The following ATP6V1C1 variants were observed in gnomAD, a reference collection of about 807,000 sequenced individuals.
The protein encoded by ATP6V1C1 is V-type proton ATPase subunit C 1.
A neutral mutation model predicts 53.9 loss-of-function variants in ATP6V1C1; 45 were observed. That is an observed-to-expected ratio of 0.83 (90% confidence interval 0.66 to 1.07). The LOEUF (loss-of-function observed/expected upper bound fraction) is 1.07, where lower values mean the gene tolerates loss of function less well. ATP6V1C1 is among the 50% of genes least tolerant of loss of function. The pLI is 0.00. For synonymous variants in ATP6V1C1, 153 were observed against 155.2 expected (o/e 0.99, Z 0.11); for missense variants, 315 against 440.3 (o/e 0.72, Z 2.55).
At chr8:103,055,621 T>G (rs891877947) in intron 7 of ATP6V1C1, among the ~76,000 whole-genome samples, 2 of 152,158 alleles carry the variant, frequency 1.3e-5, no homozygotes, top group Non-Finnish European at 2.9e-5. Flanking sequence ...TTTCCGAACA[T>G]AGTTCTAGGA....
rs143866734 is a variant in ATP6V1C1, at chr8:103,030,066, C to T, written c.-40+8841C>T. Among the ~76,000 whole-genome samples the T allele has an allele frequency of 8.3e-4, 127 of 152,118 alleles. 1 individual carries two copies. The East Asian group carries it at 0.023, about 28-fold the overall frequency. On this transcript the variant is annotated intron_variant, in intron 1 of 12. Coordinates refer to ENST00000518738, the MANE Select transcript of ATP6V1C1 (RefSeq NM_001695.5). ...TGCTTTTAAATAAATTCATGTTTTA[C>T]TTATCAAGATAGCACGCCATACATT...
intron 3 of ATP6V1C1, among the ~76,000 whole-genome samples, chr8:103,044,128 C>T (rs968640279): frequency 2.0e-5 from 3 of 152,188 alleles, no homozygotes; most frequent in African/African-American, 4.8e-5. Context: ...ACATGATGCG[C>T]GTGCCTCAGC....
chr8:103,031,359 G>T (rs1240010139), intron 1 of ATP6V1C1, among the ~76,000 whole-genome samples: 2 of 152,124 alleles, frequency 1.3e-5, no homozygotes, highest in African/African-American at 4.8e-5. Flanking sequence ...AAAGAAAAGA[G>T]GTTTTTTTGG....
chr8:103,051,965 A>G (rs1233708472), intron 5 of ATP6V1C1, among the ~76,000 whole-genome samples: 2 of 152,074 alleles, frequency 1.3e-5, no homozygotes, highest in Admixed American at 1.3e-4. Flanking sequence ...TAGACTATCA[A>G]AGATTTTAAC....
At chr8:103,025,293 G>A (rs1816676823) in intron 1 of ATP6V1C1, among the ~76,000 whole-genome samples, 1 of 152,042 alleles carries the variant, frequency 6.6e-6, no homozygotes, top group Admixed American at 6.5e-5. Context: ...GGTCTGTTTC[G>A]CCCCTACCCA....
chr8:103,047,458 A>C lies in ATP6V1C1; in HGVS notation c.201-1412A>C, dbSNP rs1364408526. ...CACACACACACACACACACACACAC[A>C]CACACATTTTTTTTTTAAGGAAAAA... is the stretch of plus-strand genomic sequence containing the variant. On this transcript the variant is annotated intron_variant, in intron 3 of 12. Coordinates refer to ENST00000518738, the MANE Select transcript of ATP6V1C1 (RefSeq NM_001695.5). Among the ~76,000 whole-genome samples, 4 of 100,196 alleles carry C rather than the reference A, an allele frequency of 4.0e-5. No individual in the cohort carries two copies. The East Asian group carries it at 9.8e-4, about 24-fold the overall frequency. 65.7% of individuals were successfully genotyped at this position (100,196 alleles called of 152,430 possible). A position where few individuals can be genotyped will look rare whatever the true frequency, so the allele number is the denominator to read the frequency against.
intron 4 of ATP6V1C1, among the ~76,000 whole-genome samples, chr8:103,049,617 C>G (rs2131394700): frequency 6.6e-6 from 1 of 152,080 alleles, no homozygotes; most frequent in East Asian, 1.9e-4. Flanking sequence ...TAAAATCAGC[C>G]CATCTCTAGT....
chr8:103,025,540 C>T (rs1227590570), intron 1 of ATP6V1C1, among the ~76,000 whole-genome samples: 1 of 152,200 alleles, frequency 6.6e-6, no homozygotes, highest in Non-Finnish European at 1.5e-5. Flanking sequence ...TTTAATGTAA[C>T]TCCTTTAGTG....
chr8:103,032,474 C>T (rs1816815680), intron 1 of ATP6V1C1, among the ~76,000 whole-genome samples: 1 of 152,112 alleles, frequency 6.6e-6, no homozygotes, highest in East Asian at 1.9e-4. Context: ...CTCCCCTCCC[C>T]TTCCTTTTTT....
intron 11 of ATP6V1C1, among the ~76,000 whole-genome samples, chr8:103,065,948 A>G (rs1183824457): frequency 1.3e-5 from 2 of 151,668 alleles, no homozygotes; most frequent in Non-Finnish European, 1.5e-5. Flanking sequence ...AGGCTGAGGC[A>G]GGAGAATGGC....
chr8:103,025,169 G>C (rs879732027), intron 1 of ATP6V1C1, among the ~76,000 whole-genome samples: 2 of 152,190 alleles, frequency 1.3e-5, no homozygotes, highest in Non-Finnish European at 1.5e-5. Context: ...TCAATGAATA[G>C]GAAGTTGTAA....
chr8:103,047,578 G>A (rs756417264), intron 3 of ATP6V1C1, among the ~76,000 whole-genome samples: 1 of 151,476 alleles, frequency 6.6e-6, no homozygotes, highest in African/African-American at 2.4e-5. Flanking sequence ...GCCCTGTTTC[G>A]ACTGTGTTAT....
At chr8:103,048,582 G>A (rs1467961953) in intron 3 of ATP6V1C1, among the ~76,000 whole-genome samples, 1 of 152,112 alleles carries the variant, frequency 6.6e-6, no homozygotes, top group Admixed American at 6.6e-5. Context: ...GCTATTTACA[G>A]ACTCTTTCTC....
At chr8:103,067,019 A>G (rs1038425984) in intron 12 of ATP6V1C1, among the ~76,000 whole-genome samples, 2 of 152,072 alleles carry the variant, frequency 1.3e-5, no homozygotes, top group African/African-American at 4.8e-5. Flanking sequence ...ATGTGTTTAT[A>G]TCTTCTTTTA....
intron 8 of ATP6V1C1, 82 bp downstream of exon 8, chr8:103,056,018 T>C (rs1043555617): frequency 3.7e-6 from 5 of 1,362,928 alleles, no homozygotes; most frequent in African/African-American, 2.9e-5. Context: ...ATATGTTTGC[T>C]GTCTTGCCTT....
At chr8:103,053,540 CAT>C (rs1817236879) in intron 6 of ATP6V1C1, among the ~76,000 whole-genome samples, 1 of 151,918 alleles carries the variant, frequency 6.6e-6, no homozygotes, top group Non-Finnish European at 1.5e-5. Flanking sequence ...GCTTAGATGA[CAT>C]AGTTTCATAA....
At chr8:103,061,071 C>T (rs993570951) in intron 8 of ATP6V1C1, among the ~76,000 whole-genome samples, 2 of 152,188 alleles carry the variant, frequency 1.3e-5, no homozygotes, top group African/African-American at 4.8e-5. Context: ...CTGAGTAAAT[C>T]TTGGCAAAGC....
chr8:103,062,167 T>G (rs13282905), intron 8 of ATP6V1C1, among the ~76,000 whole-genome samples: 7 of 126,140 alleles, frequency 5.5e-5, no homozygotes, highest in African/African-American at 1.9e-4. Flanking sequence ...CAGGGTTTTT[T>G]TTTTTTTTTT....
intron 3 of ATP6V1C1, among the ~76,000 whole-genome samples, chr8:103,044,184 A>T (rs905444125): frequency 1.3e-5 from 2 of 152,142 alleles, no homozygotes; most frequent in Non-Finnish European, 2.9e-5. Flanking sequence ...GCGCCTGGCC[A>T]TGTCTTCGTT....
Sources: allele counts gnomAD v4.1 joint callset (sites outside exome capture counted in the v4.1 genomes callset), GRCh38; gene constraint gnomAD v4.1.1; transcripts MANE v1.5; gene names NCBI Gene and HGNC (gene_info 2026-07-23, HGNC 2026-07-21).